Variants in TMEM132D observed in about 807,000 individuals in gnomAD.
TMEM132D encodes the protein transmembrane protein 132D.
In TMEM132D, 21 loss-of-function variants were observed where a neutral mutation model predicts 62.3. That is an observed-to-expected ratio of 0.34 (90% CI 0.24 to 0.49). The LOEUF is 0.49. TMEM132D is among the 20% of genes least tolerant of loss of function. The pLI is 0.99. For synonymous variants in TMEM132D, 621 were observed against 575.6 expected, an observed-to-expected ratio of 1.08 and a Z score of -1.13; for missense variants, 1,346 against 1,402.8, an observed-to-expected ratio of 0.96 and a Z score of 0.65.
intron 1 of TMEM132D, among the ~76,000 whole-genome samples, chr12:129,860,916 G>A (rs915315080): frequency 1.3e-5 from 2 of 152,152 alleles, no homozygotes; most frequent in Admixed American, 1.3e-4. Context: ...CTGCCTCCAT[G>A]ATTCAATTAT....
rs1869060715 is a variant in TMEM132D, at chr12:129,330,239, A to G, written c.1299+7395T>C. Among the ~76,000 whole-genome samples the G allele has an allele frequency of 2.0e-5, 3 of 152,312 alleles. 1 individual carries two copies. In the South Asian group the frequency reaches 6.2e-4, roughly 32 times the overall value. ...AGCTTCACCTGTAGTTACCTGGGTTATGGAGTCCCCTACTCATGCTAATGA... is the reference window on the plus strand; with the variant it reads ...AGCTTCACCTGTAGTTACCTGGGTTGTGGAGTCCCCTACTCATGCTAATGA... On this transcript the variant is annotated intron_variant, in intron 4 of 8. Transcript: ENST00000422113.
chr12:129,315,504 A>G (rs1200166512), intron 4 of TMEM132D, among the ~76,000 whole-genome samples: 1 of 152,190 alleles, frequency 6.6e-6, no homozygotes, highest in Non-Finnish European at 1.5e-5. Context: ...CCACTTGATC[A>G]TGGAGGATTA....
chr12:129,243,754 T>A (rs1013055322), intron 4 of TMEM132D, among the ~76,000 whole-genome samples: 1 of 152,194 alleles, frequency 6.6e-6, no homozygotes, highest in Non-Finnish European at 1.5e-5. Flanking sequence ...GGATTTTCTT[T>A]AGCATGAATG....
Position 129,074,984 on chromosome 12 carries a change from A to G in TMEM132D, c.2191T>C (p.Phe731Leu). Residue 731 changes from phenylalanine to leucine, a missense_variant, in exon 9 of 9, where the codon TTC (phenylalanine) becomes CTC (leucine). Transcript: ENST00000422113. ...TPLDIYDGKD[F>L]SLMATSLDEK... The stretch of plus-strand genomic sequence containing the variant: ...TCCAAAGATGTGGCCATCAAGGAGA[A>G]GTCTTTCCCATCGTAAATATCCAAG... 1 of 1,614,004 alleles carries G rather than the reference A, an allele frequency of 6.2e-7. No individual in the cohort carries two copies. Among genetic ancestry groups the G allele is most frequent in the Non-Finnish European group, 8.5e-7 (1 of 1,180,026 alleles).
chr12:129,560,362 C>T (rs370349608), intron 2 of TMEM132D, among the ~76,000 whole-genome samples: 2 of 151,852 alleles, frequency 1.3e-5, no homozygotes, highest in South Asian at 2.1e-4. Flanking sequence ...CTCCACTTCC[C>T]AGGCTCAAGC....
At chr12:129,552,555 G>A (rs1054583849) in intron 2 of TMEM132D, among the ~76,000 whole-genome samples, 3 of 131,322 alleles carry the variant, frequency 2.3e-5, no homozygotes, top group South Asian at 2.3e-4. Flanking sequence ...ATTATCTATC[G>A]ATCGATCTAT....
At chr12:129,468,076 T>G (rs1873969591) in intron 3 of TMEM132D, among the ~76,000 whole-genome samples, 1 of 152,198 alleles carries the variant, frequency 6.6e-6, no homozygotes, top group East Asian at 1.9e-4. Context: ...TATATTTTTC[T>G]ACCCAGGCCA....
At chr12:129,320,577 G>A (rs1453128220) in intron 4 of TMEM132D, among the ~76,000 whole-genome samples, 1 of 152,168 alleles carries the variant, frequency 6.6e-6, no homozygotes, top group Non-Finnish European at 1.5e-5. Flanking sequence ...GGTTTTGTTT[G>A]CCATGTGAAG....
chr12:129,466,772 T>A (rs1448871972), intron 3 of TMEM132D, among the ~76,000 whole-genome samples: 1 of 152,202 alleles, frequency 6.6e-6, no homozygotes, highest in Non-Finnish European at 1.5e-5. Context: ...CATGTATTAT[T>A]TCCTTAGGCT....
chr12:129,468,665 C>T (rs1371449891), intron 3 of TMEM132D, among the ~76,000 whole-genome samples: 1 of 152,106 alleles, frequency 6.6e-6, no homozygotes, highest in East Asian at 1.9e-4. Context: ...AGTTTTATCT[C>T]AGTGATTATA....
At chr12:129,738,714 A>T (rs1869505768) in intron 1 of TMEM132D, among the ~76,000 whole-genome samples, 4 of 152,200 alleles carry the variant, frequency 2.6e-5, no homozygotes, top group Admixed American at 2.6e-4. Flanking sequence ...AGGGCCTTTT[A>T]TAACAAAAGG....
At chr12:129,623,720 TATAC>T (rs1211362287) in intron 2 of TMEM132D, among the ~76,000 whole-genome samples, 4 of 141,160 alleles carry the variant, frequency 2.8e-5, no homozygotes, top group African/African-American at 5.7e-5. Flanking sequence ...TATGCATATA[TATAC>T]ATACATATAT....
At chr12:129,145,516 C>T (rs1318650274) in intron 5 of TMEM132D, among the ~76,000 whole-genome samples, 1 of 152,068 alleles carries the variant, frequency 6.6e-6, no homozygotes, top group Non-Finnish European at 1.5e-5. Flanking sequence ...GGTATGGCAT[C>T]CGTGATCGCA....
rs55910089 is a variant in TMEM132D at position 129,452,721 on chromosome 12, G to GGAGA, written c.1115+78334_1115+78337dup. Among the ~76,000 whole-genome samples, 752 of 151,636 alleles carry GGAGA rather than the reference G, an allele frequency of 5.0e-3. 6 individuals are homozygous for GGAGA. The highest frequency in any genetic ancestry group is 0.017 in the African/African-American group (711 of 41,324). Reference sequence around the variant, plus strand: ...AGAAGAAAAGAAAGAAGAAAGGAGGGGAGAGAGAGAGACAGAGAAAAGGGT... The same window carrying GGAGA: ...AGAAGAAAAGAAAGAAGAAAGGAGGGGAGAGAGAGAGAGAGACAGAGAAAAGGGT... On this transcript the variant is annotated intron_variant, in intron 3 of 8. Transcript: ENST00000422113.
chr12:129,507,767 T>G (rs531243181), intron 3 of TMEM132D, among the ~76,000 whole-genome samples: 1 of 152,226 alleles, frequency 6.6e-6, no homozygotes, highest in South Asian at 2.1e-4. Context: ...TGTATACTGC[T>G]CGGTTGATGG....
At position 129,235,989 on chromosome 12, in the gene TMEM132D, T is replaced by C. The variant is rs531972364; in HGVS notation, c.1300-26326A>G. Among the ~76,000 whole-genome samples the C allele has an allele frequency of 2.0e-5, 3 of 146,906 alleles. No individual in the cohort carries two copies. In the South Asian group the frequency reaches 6.2e-4, roughly 31 times the overall value. ...TCTTTCAATCCATGAACGTGGAATA[T>C]CTTTCTATTTATTTGCAGCATCTTC... On this transcript the variant is annotated intron_variant, in intron 4 of 8. Coordinates refer to ENST00000422113, the MANE Select transcript of TMEM132D (RefSeq NM_133448.3).
intron 4 of TMEM132D, among the ~76,000 whole-genome samples, chr12:129,293,786 C>G (rs998346329): frequency 1.3e-5 from 2 of 152,116 alleles, no homozygotes; most frequent in Middle Eastern, 3.2e-3. Flanking sequence ...GGTAGTAATG[C>G]GAGCCATGGG....
chr12:129,680,046 T>C (rs909429823), intron 2 of TMEM132D, among the ~76,000 whole-genome samples: 1 of 152,234 alleles, frequency 6.6e-6, no homozygotes, highest in Non-Finnish European at 1.5e-5. Flanking sequence ...CCGTCAATTA[T>C]ACTGTTTTAC....
intron 3 of TMEM132D, among the ~76,000 whole-genome samples, chr12:129,522,088 C>T (rs980972882): frequency 6.6e-6 from 1 of 152,060 alleles, no homozygotes; most frequent in Admixed American, 6.6e-5. Flanking sequence ...GTCATATGCC[C>T]GTATTGCCAG....
Sources: allele counts gnomAD v4.1 joint callset (sites outside exome capture counted in the v4.1 genomes callset), GRCh38; gene constraint gnomAD v4.1.1; transcripts MANE v1.5; gene names NCBI Gene and HGNC (gene_info 2026-07-23, HGNC 2026-07-21).